The following RALGPS2 variants were observed in gnomAD, a reference collection of about 807,000 sequenced individuals.
RALGPS2 encodes Ral GEF with PH domain and SH3 binding motif 2.
RALGPS2 carries 43 observed loss-of-function variants against 86.8 expected under a neutral mutation model. That is an observed-to-expected ratio of 0.50 (90% confidence interval 0.39 to 0.64). The LOEUF is 0.64. Ranked by LOEUF, RALGPS2 falls within the 30% of genes least tolerant of loss-of-function variation. The pLI is 0.00. For missense variants in RALGPS2, 536 were observed against 694.6 expected, an observed-to-expected ratio of 0.77 and a Z score of 2.57; for synonymous variants, 243 against 231.3, an observed-to-expected ratio of 1.05 and a Z score of -0.46.
chr1:178,844,846 T>C (rs963652663), intron 8 of RALGPS2, among the ~76,000 whole-genome samples: 3 of 152,170 alleles, frequency 2.0e-5, no homozygotes, highest in Non-Finnish European at 4.4e-5. Context: ...AAGCCTCATT[T>C]CTACTTTATG....
rs1410496983 is a variant in RALGPS2, at chr1:178,919,751, T to C, written c.*3392T>C. Reference sequence around the variant, plus strand: ...TTTAAATGAATAGATCTGGTATTGATTTCCTTCCTGTTTTTTTGAGGCACA... The same window carrying C: ...TTTAAATGAATAGATCTGGTATTGACTTCCTTCCTGTTTTTTTGAGGCACA... On this transcript the variant is annotated 3_prime_UTR_variant, in exon 20 of 20. Coordinates refer to ENST00000367635, the MANE Select transcript of RALGPS2 (RefSeq NM_152663.5). The C allele has an allele frequency of 6.6e-6, 1 of 152,096 alleles. No homozygotes were observed. The highest frequency in any genetic ancestry group is 1.5e-5 in the Non-Finnish European group (1 of 67,942). 9.4% of individuals were successfully genotyped at this position (152,096 alleles called of 1,614,324 possible). A position where few individuals can be genotyped will look rare whatever the true frequency, so the allele number is the denominator to read the frequency against.
intron 18 of RALGPS2, among the ~76,000 whole-genome samples, chr1:178,903,748 T>C (rs535685965): frequency 6.6e-6 from 1 of 152,340 alleles, no homozygotes; most frequent in East Asian, 1.9e-4. Context: ...ATCCACTCGT[T>C]GATTGATGGG....
chr1:178,876,535 T>C (rs1282797324), intron 8 of RALGPS2, among the ~76,000 whole-genome samples: 3 of 152,202 alleles, frequency 2.0e-5, no homozygotes, highest in Non-Finnish European at 4.4e-5. Flanking sequence ...AAGATTTGGA[T>C]AGGCAGAGAT....
At chr1:178,743,517 T>C (rs968279422) in intron 1 of RALGPS2, among the ~76,000 whole-genome samples, 4 of 152,196 alleles carry the variant, frequency 2.6e-5, no homozygotes, top group African/African-American at 9.7e-5. Flanking sequence ...TTTTAAACTT[T>C]CTACTAATTA....
chr1:178,823,284 G>T (rs1655594941), intron 7 of RALGPS2, among the ~76,000 whole-genome samples: 1 of 152,090 alleles, frequency 6.6e-6, no homozygotes, highest in African/African-American at 2.4e-5. Flanking sequence ...TAAAACTTTT[G>T]ATGGTTTGTA....
rs963392261 is a variant in RALGPS2, at chr1:178,813,546, G to C, written c.387+2142G>C. ...TATAAAACTGGCAGGTCTCTTACTTGAGTATTGTTATCAGTCAGCATTCTC... is the reference window on the plus strand; with the variant it reads ...TATAAAACTGGCAGGTCTCTTACTTCAGTATTGTTATCAGTCAGCATTCTC... On this transcript the variant is annotated intron_variant, in intron 6 of 19. Transcript: ENST00000367635. Among the ~76,000 whole-genome samples the C allele has an allele frequency of 2.0e-5, 3 of 152,062 alleles. No individual in the cohort carries two copies. The South Asian group carries it at 6.2e-4, about 32-fold the overall frequency.
intron 16 of RALGPS2, among the ~76,000 whole-genome samples, chr1:178,896,240 C>G (rs1659932382): frequency 6.6e-6 from 1 of 151,760 alleles, no homozygotes; most frequent in South Asian, 2.1e-4. Flanking sequence ...AGAAAATGGG[C>G]AAAACAGAAG....
intron 8 of RALGPS2, among the ~76,000 whole-genome samples, chr1:178,833,862 T>C (rs1163751585): frequency 1.3e-5 from 2 of 152,178 alleles, no homozygotes; most frequent in African/African-American, 4.8e-5. Context: ...TTCGTAATGA[T>C]GTTTAATACA....
chr1:178,865,071 C>G, intron 8 of RALGPS2: 3 of 1,524,696 alleles, frequency 2.0e-6, no homozygotes, highest in Non-Finnish European at 2.6e-6. Flanking sequence ...ATCTCGTTAC[C>G]TCCCAGCAGA....
chr1:178,887,314 G>A (rs1164527357), intron 13 of RALGPS2, among the ~76,000 whole-genome samples: 3 of 152,046 alleles, frequency 2.0e-5, no homozygotes, highest in Non-Finnish European at 4.4e-5. Flanking sequence ...GTAGCAGGGC[G>A]TGGTGGTGCA....
intron 2 of RALGPS2, among the ~76,000 whole-genome samples, chr1:178,781,185 A>G (rs948492762): frequency 6.6e-6 from 1 of 152,164 alleles, no homozygotes; most frequent in Non-Finnish European, 1.5e-5. Flanking sequence ...GCTTCAGAGT[A>G]GTATAATTAG....
At chr1:178,835,636 G>A (rs942288382) in intron 8 of RALGPS2, among the ~76,000 whole-genome samples, 2 of 151,882 alleles carry the variant, frequency 1.3e-5, no homozygotes, top group African/African-American at 4.8e-5. Context: ...CAAGTTGTCC[G>A]CCCACCTCAG....
At chr1:178,892,383 A>G in intron 15 of RALGPS2, 76 bp downstream of exon 15, 1 of 1,205,110 alleles carries the variant, frequency 8.3e-7, no homozygotes, top group Admixed American at 2.0e-5. Context: ...GTGTGGTCTG[A>G]CGTTATTTCT....
intron 4 of RALGPS2, among the ~76,000 whole-genome samples, chr1:178,804,069 C>CT (rs35448018): frequency 0.076 from 10,794 of 142,722 alleles, 516 homozygotes; most frequent in African/African-American, 0.14. Context: ...CAATCTATTC[C>CT]TTTTTTTTTT....
At chr1:178,858,564 CA>C (rs1353447987) in intron 8 of RALGPS2, among the ~76,000 whole-genome samples, 5 of 152,110 alleles carry the variant, frequency 3.3e-5, no homozygotes, top group Non-Finnish European at 1.5e-5. Flanking sequence ...AGAGTCTTCT[CA>C]AAGCAGGCAA....
At chr1:178,848,695 C>G (rs151116259) in intron 8 of RALGPS2, among the ~76,000 whole-genome samples, 1 of 152,324 alleles carries the variant, frequency 6.6e-6, no homozygotes, top group Non-Finnish European at 1.5e-5. Flanking sequence ...CTCTGTCCCC[C>G]AGGCTCGAGT....
Position 178,920,836 on chromosome 1 carries a change from A to C in RALGPS2, c.*4477A>C, listed in dbSNP as rs1572486169. On this transcript the variant is annotated 3_prime_UTR_variant, in exon 20 of 20. Coordinates refer to ENST00000367635, the MANE Select transcript of RALGPS2 (RefSeq NM_152663.5). ...GTAATGAAAATCCCTTTGGCCAGAA[A>C]TGAGATTTATTTCCATTTATTTTTA... 6.6e-6 allele frequency: 1 copy of C among 152,004 alleles called. No individual in the cohort carries two copies. Among genetic ancestry groups the C allele is most frequent in the Non-Finnish European group, 1.5e-5 (1 of 67,932 alleles). 9.4% of individuals were successfully genotyped at this position (152,004 alleles called of 1,614,324 possible).
chr1:178,865,125 C>G (rs149644362), intron 8 of RALGPS2: 485 of 1,587,558 alleles, frequency 3.1e-4, no homozygotes, highest in Non-Finnish European at 4.0e-4. Context: ...TGTGGCACCA[C>G]CTGGACAAGT....
intron 8 of RALGPS2, among the ~76,000 whole-genome samples, chr1:178,859,316 A>G (rs1558154706): frequency 6.6e-6 from 1 of 152,138 alleles, no homozygotes. Flanking sequence ...AAATAATTTG[A>G]AAAATGTAAA....
Sources: allele counts gnomAD v4.1 joint callset (sites outside exome capture counted in the v4.1 genomes callset), GRCh38; gene constraint gnomAD v4.1.1; transcripts MANE v1.5; gene names NCBI Gene and HGNC (gene_info 2026-07-23, HGNC 2026-07-21).